The following PTPRQ variants were observed in gnomAD, a reference collection of about 807,000 sequenced individuals.
PTPRQ encodes phosphatidylinositol phosphatase PTPRQ.
PTPRQ carries 199 observed loss-of-function variants against 246.0 expected under a neutral mutation model. The ratio of observed to expected loss-of-function variants is 0.81; its 90% CI spans 0.72 to 0.91. The LOEUF is 0.91. Ranked by LOEUF, PTPRQ falls within the 40% of genes least tolerant of loss-of-function variation. The pLI is 0.00. For synonymous variants in PTPRQ, 869 were observed against 853.2 expected, an observed-to-expected ratio of 1.02 and a Z score of -0.32; for missense variants, 2,624 against 2,528.4, an observed-to-expected ratio of 1.04 and a Z score of -0.81.
chr12:80,582,392 C>T (rs1477649239), intron 25 of PTPRQ, among the ~76,000 whole-genome samples: 3 of 152,014 alleles, frequency 2.0e-5, no homozygotes, highest in African/African-American at 2.4e-5. Context: ...TGTTTATTTC[C>T]CCCCTAGAAT....
intron 9 of PTPRQ, among the ~76,000 whole-genome samples, chr12:80,487,073 C>T (rs1215690849): frequency 6.6e-6 from 1 of 152,048 alleles, no homozygotes; most frequent in Middle Eastern, 3.2e-3. Context: ...CTTTTGAAGA[C>T]CTAACAGTTT....
intron 14 of PTPRQ, among the ~76,000 whole-genome samples, chr12:80,502,921 G>A (rs10862145): frequency 0.3 from 45,479 of 151,578 alleles, 8,179 homozygotes; most frequent in African/African-American, 0.5. Flanking sequence ...ATGGAAGTTG[G>A]CCTCTCTGAG....
chr12:80,547,011 A>C (rs1269792841), intron 24 of PTPRQ: 1 of 193,742 alleles, frequency 5.2e-6, no homozygotes, highest in East Asian at 1.4e-4. Context: ...ACAGCTGGGG[A>C]AAAAGGGGGA....
rs1018427481 is a variant in PTPRQ, at chr12:80,542,072, C to A, written c.3446-17C>A. ...ATTCACTTTTGTTTCATTTAATATTCTCTTTTTCTTTTATAGTCCCAGAAA... is the reference window on the plus strand; with the variant it reads ...ATTCACTTTTGTTTCATTTAATATTATCTTTTTCTTTTATAGTCCCAGAAA... On this transcript the variant is annotated splice_polypyrimidine_tract_variant and intron_variant, in intron 21 of 44. Coordinates refer to ENST00000644991, the MANE Select transcript of PTPRQ (RefSeq NM_001145026.2). 2 of 1,529,086 alleles carry A rather than the reference C, an allele frequency of 1.3e-6. No individual in the cohort carries two copies. The highest frequency in any genetic ancestry group is 2.8e-5 in the African/African-American group (2 of 71,320). 94.7% of individuals were successfully genotyped at this position (1,529,086 alleles called of 1,614,324 possible). A position where few individuals can be genotyped will look rare whatever the true frequency, so the allele number is the denominator to read the frequency against.
At chr12:80,541,474 A>T in intron 20 of PTPRQ, 81 bp from the exon 21 acceptor site, 4 of 1,191,814 alleles carry the variant, frequency 3.4e-6, no homozygotes, top group Non-Finnish European at 4.3e-6. Context: ...TTGCCATTTC[A>T]ACAATTATAC....
At chr12:80,468,111 A>C (rs1357091431) in intron 6 of PTPRQ, among the ~76,000 whole-genome samples, 1 of 152,348 alleles carries the variant, frequency 6.6e-6, no homozygotes, top group East Asian at 1.9e-4. Context: ...TTTTATTTCA[A>C]TTAAAAGAAT....
At chr12:80,448,261 T>G (rs1176947353) in intron 3 of PTPRQ, among the ~76,000 whole-genome samples, 1 of 152,146 alleles carries the variant, frequency 6.6e-6, no homozygotes, top group Non-Finnish European at 1.5e-5. Flanking sequence ...TTTATTGAAA[T>G]TGTTTATCAA....
At chr12:80,634,736 T>G in intron 34 of PTPRQ, 1 of 610,150 alleles carries the variant, frequency 1.6e-6, no homozygotes, top group Non-Finnish European at 2.4e-6. Flanking sequence ...TCCCAATAAC[T>G]TATTAGAAAA....
In PTPRQ at chr12:80,622,129, C is replaced by T. The variant is rs1899017674; in HGVS notation, c.5681C>T (p.Thr1894Ile). 8 of 1,428,014 alleles carry T rather than the reference C, an allele frequency of 5.6e-6. No homozygotes were observed. Among genetic ancestry groups the T allele is most frequent in the Non-Finnish European group, 7.4e-6 (8 of 1,084,552 alleles). 88.5% of individuals were successfully genotyped at this position (1,428,014 alleles called of 1,614,324 possible). Residue 1894 changes from threonine to isoleucine, a missense_variant, in exon 33 of 45, where the codon ACT (threonine) becomes ATT (isoleucine). Coordinates refer to ENST00000644991, the MANE Select transcript of PTPRQ (RefSeq NM_001145026.2). ...TCTGATTATTCTGACCCTGTTAAGA[C>T]TTTAGGTAAGACATTTTTGTAATTC... ...TDSDYSDPVK[T>I]LGEGLSERTV...
chr12:80,478,622 C>A lies in PTPRQ; in HGVS notation c.1187-5811C>A, dbSNP rs549322228. The stretch of plus-strand genomic sequence containing the variant: ...AAACCAAAGGCAAAGAAGTTGAAAA[C>A]TGTGAAAAAAATTTAGAAGAATGTA... On this transcript the variant is annotated intron_variant, in intron 8 of 44. Transcript: ENST00000644991. Among the ~76,000 whole-genome samples, 324 of 152,152 alleles carry A rather than the reference C, an allele frequency of 2.1e-3. 1 individual carries two copies. Among genetic ancestry groups the A allele is most frequent in the African/African-American group, 7.6e-3 (315 of 41,492 alleles).
At chr12:80,573,264 C>T (rs1022547907) in intron 25 of PTPRQ, among the ~76,000 whole-genome samples, 3 of 152,090 alleles carry the variant, frequency 2.0e-5, no homozygotes, top group African/African-American at 7.2e-5. Context: ...CCAAGGCAGG[C>T]GGATCACGAG....
chr12:80,568,786 A>C (rs1897053438), intron 25 of PTPRQ, among the ~76,000 whole-genome samples: 1 of 152,244 alleles, frequency 6.6e-6, no homozygotes, highest in African/African-American at 2.4e-5. Flanking sequence ...CACAATGACC[A>C]ATCAATGACA....
chr12:80,677,488 T>C (rs114806434), intron 43 of PTPRQ, among the ~76,000 whole-genome samples: 1 of 152,184 alleles, frequency 6.6e-6, no homozygotes, highest in Non-Finnish European at 1.5e-5. Flanking sequence ...GTTGACTAGC[T>C]GTGAGAATTA....
At chr12:80,596,817 A>G (rs952460163) in intron 26 of PTPRQ, among the ~76,000 whole-genome samples, 1 of 152,070 alleles carries the variant, frequency 6.6e-6, no homozygotes, top group African/African-American at 2.4e-5. Context: ...ATTACTATGT[A>G]TGGTGTCTTG....
chr12:80,534,317 A>G (rs893245397), intron 18 of PTPRQ, 142 bp downstream of exon 18: 1 of 928,558 alleles, frequency 1.1e-6, no homozygotes, highest in Non-Finnish European at 1.5e-6. Context: ...CATTTTGATC[A>G]CTTTTTAGCT....
chr12:80,481,732 C>A (rs567781676), intron 8 of PTPRQ, among the ~76,000 whole-genome samples: 1 of 151,942 alleles, frequency 6.6e-6, no homozygotes, highest in African/African-American at 2.4e-5. Flanking sequence ...ACACCAACAA[C>A]AGACAAACAG....
intron 6 of PTPRQ, chr12:80,465,443 C>G (rs1194684208): frequency 6.6e-6 from 1 of 152,056 alleles, no homozygotes; most frequent in Non-Finnish European, 1.5e-5. Context: ...GGAACTGGTA[C>G]CATTCCTTCT....
At position 80,539,885 on chromosome 12, in the gene PTPRQ, C is replaced by T; in HGVS notation, c.3095C>T (p.Thr1032Ile). 6.5e-7 allele frequency: 1 copy of T among 1,549,116 alleles called. No individual in the cohort carries two copies. The highest frequency in any genetic ancestry group is 1.2e-5 in the South Asian group (1 of 83,756). The stretch of plus-strand genomic sequence containing the variant: ...TATACATTTTGGTTAACAGCAAGTA[C>T]TTCAGTTGGAAATGGGAATAAAAGC... ...SYYTFWLTAS[T>I]SVGNGNKSSD... The change falls in exon 20 of 45, where the codon ACT becomes ATT. Residue 1032 changes from threonine (T) to isoleucine (I), a missense_variant. By Grantham distance (89) the Thr-to-Ile change is moderately conservative. Coordinates refer to ENST00000644991, the MANE Select transcript of PTPRQ (RefSeq NM_001145026.2).
chr12:80,588,089 G>A (rs1394151324), intron 25 of PTPRQ, 40 bp from the exon 26 acceptor site: 1 of 1,475,940 alleles, frequency 6.8e-7, no homozygotes, highest in Admixed American at 2.5e-5. Context: ...GAAGTGTTTG[G>A]TAATTGTAAC....
Sources: allele counts gnomAD v4.1 joint callset (sites outside exome capture counted in the v4.1 genomes callset), GRCh38; gene constraint gnomAD v4.1.1; transcripts MANE v1.5; gene names NCBI Gene and HGNC (gene_info 2026-07-23, HGNC 2026-07-21).